TP63: variants seen among roughly 807,000 people sequenced by gnomAD.
The protein encoded by TP63 is tumor protein p63.
A neutral mutation model predicts 82.8 loss-of-function variants in TP63; 17 were observed. The ratio of observed to expected loss-of-function variants is 0.21; its 90% CI spans 0.14 to 0.31. The LOEUF (loss-of-function observed/expected upper bound fraction) is 0.31, where lower values mean the gene tolerates loss of function less well. Among genes scored for constraint, TP63 ranks in the 10% least tolerant of loss-of-function variants. TP63 has a pLI of 1.00. For missense variants in TP63, 648 were observed against 895.3 expected (o/e 0.72, Z 3.52); for synonymous variants, 330 against 321.7 (o/e 1.03, Z -0.28).
intron 3 of TP63, among the ~76,000 whole-genome samples, chr3:189,763,627 G>T (rs983280595): frequency 6.6e-6 from 1 of 152,130 alleles, no homozygotes; most frequent in Non-Finnish European, 1.5e-5. Context: ...AAATAGCCTG[G>T]TCACTTGAAA....
intron 9 of TP63, among the ~76,000 whole-genome samples, chr3:189,871,707 G>A (rs542101751): frequency 3.3e-5 from 5 of 152,190 alleles, no homozygotes; most frequent in Admixed American, 6.5e-5. Flanking sequence ...GTCCTGGCCC[G>A]GCTCATCCGT....
intron 4 of TP63, among the ~76,000 whole-genome samples, chr3:189,860,937 G>A (rs1416249303): frequency 1.3e-5 from 2 of 152,118 alleles, no homozygotes; most frequent in Non-Finnish European, 2.9e-5. Flanking sequence ...GGTTTCTAGT[G>A]TACCTGTCAC....
chr3:189,812,680 C>G (rs977290028), intron 4 of TP63, among the ~76,000 whole-genome samples: 12 of 152,186 alleles, frequency 7.9e-5, no homozygotes, highest in African/African-American at 2.9e-4. Context: ...CTTTCCTTAT[C>G]ATGAGGATTA....
intron 10 of TP63, among the ~76,000 whole-genome samples, chr3:189,875,607 T>TACAC (rs1267339915): frequency 1.8e-5 from 1 of 56,100 alleles, no homozygotes; most frequent in Non-Finnish European, 4.2e-5. Flanking sequence ...TATATATATA[T>TACAC]ATATATATAT....
intron 4 of TP63, among the ~76,000 whole-genome samples, chr3:189,834,596 G>T (rs1012251061): frequency 6.6e-6 from 1 of 152,068 alleles, no homozygotes; most frequent in East Asian, 1.9e-4. Flanking sequence ...CCACAATTGC[G>T]CTGTGGCTGT....
chr3:189,861,076 G>A (rs1033774453), intron 4 of TP63, among the ~76,000 whole-genome samples: 2 of 151,812 alleles, frequency 1.3e-5, no homozygotes, highest in African/African-American at 4.8e-5. Context: ...TGGGGTTTTT[G>A]TGGTTTTTTT....
At chr3:189,615,190 C>T in the TP63 span, among the ~76,000 whole-genome samples, 1 of 152,192 alleles carries the variant, frequency 6.6e-6, no homozygotes, top group East Asian at 1.9e-4. Context: ...ATATGTAAGA[C>T]TCGTGTGCCA....
chr3:189,731,105 A>G (rs1268517131), intron 1 of TP63, among the ~76,000 whole-genome samples: 1 of 152,134 alleles, frequency 6.6e-6, no homozygotes, highest in Non-Finnish European at 1.5e-5. Flanking sequence ...CGCTCTGGGA[A>G]GCTGAGGCAG....
intron 3 of TP63, among the ~76,000 whole-genome samples, chr3:189,772,070 C>G (rs1723421013): frequency 6.6e-6 from 1 of 152,150 alleles, no homozygotes; most frequent in African/African-American, 2.4e-5. Flanking sequence ...ATAAACAAAC[C>G]ATTATGATGA....
At chr3:189,832,886 TG>T (rs1230141471) in intron 4 of TP63, among the ~76,000 whole-genome samples, 1 of 152,198 alleles carries the variant, frequency 6.6e-6, no homozygotes, top group Non-Finnish European at 1.5e-5. Context: ...GAGTGATCCT[TG>T]GATGCAGAGC....
chr3:189,611,379 A>T, the TP63 span, among the ~76,000 whole-genome samples: 1 of 152,168 alleles, frequency 6.6e-6, no homozygotes, highest in Admixed American at 6.5e-5. Context: ...CAGTTATCCT[A>T]GCACCATTTT....
chr3:189,890,352 T>C (rs1720891295), intron 12 of TP63, among the ~76,000 whole-genome samples: 1 of 152,146 alleles, frequency 6.6e-6, no homozygotes, highest in African/African-American at 2.4e-5. Context: ...AGTAGAGGCC[T>C]ACAATTTTTT....
chr3:189,657,132 T>C (rs1713450925), intron 1 of TP63, among the ~76,000 whole-genome samples: 1 of 151,744 alleles, frequency 6.6e-6, no homozygotes, highest in South Asian at 2.1e-4. Context: ...CTGTAAAAGG[T>C]AAAACTATAG....
intron 1 of TP63, among the ~76,000 whole-genome samples, chr3:189,675,189 A>G (rs1385897573): frequency 6.6e-6 from 1 of 152,200 alleles, no homozygotes. Context: ...TGAGGGCACA[A>G]GTCCCAGTCA....
intron 3 of TP63, among the ~76,000 whole-genome samples, chr3:189,770,035 T>G (rs1189950042): frequency 6.6e-6 from 1 of 152,260 alleles, no homozygotes; most frequent in African/African-American, 2.4e-5. Context: ...TTAAACATAT[T>G]ATAAAGCCTG....
At chr3:189,700,008 A>C (rs996334514) in intron 1 of TP63, among the ~76,000 whole-genome samples, 1 of 152,138 alleles carries the variant, frequency 6.6e-6, no homozygotes, top group African/African-American at 2.4e-5. Flanking sequence ...GTGACTGGGG[A>C]ACACTGGTCT....
chr3:189,683,705 C>A (rs1246182277), intron 1 of TP63, among the ~76,000 whole-genome samples: 1 of 152,174 alleles, frequency 6.6e-6, no homozygotes, highest in Non-Finnish European at 1.5e-5. Context: ...TCATCCTCTG[C>A]TCTTTTGTCG....
In TP63 at chr3:189,896,469, G is replaced by T. The variant is rs1332565071; in HGVS notation, c.*1967G>T. 1.5e-5 allele frequency: 3 copies of T among 201,270 alleles called. No individual in the cohort carries two copies. The highest frequency in any genetic ancestry group is 3.1e-5 in the Non-Finnish European group (3 of 97,768). 12.5% of individuals were successfully genotyped at this position (201,270 alleles called of 1,614,324 possible). On this transcript the variant is annotated 3_prime_UTR_variant, in exon 14 of 14. Transcript: ENST00000264731. ...TTTTTTATTATTTTTTTAAAATTTTGTATGTTAAAGAGAATGAGTCCTTGA... is the reference window on the plus strand; with the variant it reads ...TTTTTTATTATTTTTTTAAAATTTTTTATGTTAAAGAGAATGAGTCCTTGA...
intron 5 of TP63, 45 bp from the exon 6 acceptor site, chr3:189,866,637 T>G (rs1465681006): frequency 6.5e-7 from 1 of 1,544,114 alleles, no homozygotes; most frequent in African/African-American, 1.4e-5. Context: ...TTTTCTTTAT[T>G]TTTAAGGTAA....
Sources: gnomAD v4.1 joint callset for allele counts (sites outside exome capture counted in the v4.1 genomes callset) on GRCh38, gnomAD v4.1.1 for gene constraint, MANE v1.5 for transcripts, NCBI Gene and HGNC (gene_info 2026-07-23, HGNC 2026-07-21) for gene names.